The following CHCHD6 variants were observed in gnomAD, a reference collection of about 807,000 sequenced individuals.
The protein encoded by CHCHD6 is coiled-coil-helix-coiled-coil-helix domain containing 6.
A neutral mutation model predicts 32.3 loss-of-function variants in CHCHD6; 28 were observed. That is an observed-to-expected ratio of 0.87 (90% CI 0.64 to 1.19). The LOEUF (loss-of-function observed/expected upper bound fraction) is 1.19. Among genes scored for constraint, CHCHD6 ranks in the 50% most tolerant of loss-of-function variants. The pLI is 0.00. For synonymous variants in CHCHD6, 122 were observed against 117.5 expected (o/e 1.04, Z -0.25); for missense variants, 333 against 307.0 (o/e 1.08, Z -0.63).
intron 5 of CHCHD6, among the ~76,000 whole-genome samples, chr3:126,898,072 C>T (rs1361348025): frequency 6.6e-6 from 1 of 152,228 alleles, no homozygotes; most frequent in Non-Finnish European, 1.5e-5. Context: ...GTGGCCTTCT[C>T]CATTAGAGTT....
chr3:126,908,696 A>C (rs375330971), intron 5 of CHCHD6, among the ~76,000 whole-genome samples: 2 of 152,152 alleles, frequency 1.3e-5, no homozygotes, highest in Non-Finnish European at 2.9e-5. Context: ...TTCCAAATAC[A>C]TAGTATACTT....
At chr3:126,821,191 G>A (rs975032865) in intron 4 of CHCHD6, among the ~76,000 whole-genome samples, 3 of 152,140 alleles carry the variant, frequency 2.0e-5, no homozygotes, top group African/African-American at 7.2e-5. Flanking sequence ...ATATTCTGTT[G>A]TATAGATAGA....
rs189676141 is a variant in CHCHD6 at position 126,717,083 on chromosome 3, G to C, written c.88-9995G>C. ...CACAGCAGTTAAGCACGCAGGCCGG[G>C]GTCAGGCGGCTTTCCCTGCAGTCAG... On this transcript the variant is annotated intron_variant, in intron 1 of 7. Coordinates refer to ENST00000290913, the MANE Select transcript of CHCHD6 (RefSeq NM_032343.3). Among the ~76,000 whole-genome samples the C allele has an allele frequency of 6.6e-5, 10 of 152,302 alleles. No individual in the cohort carries two copies. In the South Asian group the frequency reaches 1.0e-3, roughly 16 times the overall value.
chr3:126,933,688 C>T (rs1257389202), intron 6 of CHCHD6, among the ~76,000 whole-genome samples: 2 of 152,230 alleles, frequency 1.3e-5, no homozygotes, highest in East Asian at 1.9e-4. Context: ...ATGACCCAGA[C>T]ACCTCCCACC....
intron 4 of CHCHD6, among the ~76,000 whole-genome samples, chr3:126,787,802 T>C (rs998212752): frequency 1.9e-4 from 29 of 152,322 alleles, no homozygotes; most frequent in African/African-American, 4.3e-4. Flanking sequence ...CTTTTCCTAA[T>C]TGAATACCCT....
At chr3:126,792,192 T>C (rs980957408) in intron 4 of CHCHD6, among the ~76,000 whole-genome samples, 1 of 151,316 alleles carries the variant, frequency 6.6e-6, no homozygotes, top group African/African-American at 2.4e-5. Flanking sequence ...TGTACAAATA[T>C]CTGTTCAAGT....
At chr3:126,902,716 C>CAA (rs748684166) in intron 5 of CHCHD6, among the ~76,000 whole-genome samples, 55 of 95,584 alleles carry the variant, frequency 5.8e-4, no homozygotes, top group African/African-American at 1.4e-3. Context: ...GACTCCATCT[C>CAA]AAAAAAAAAA....
At chr3:126,725,688 C>T (rs1315952729) in intron 1 of CHCHD6, among the ~76,000 whole-genome samples, 4 of 152,254 alleles carry the variant, frequency 2.6e-5, no homozygotes, top group Non-Finnish European at 5.9e-5. Context: ...TTGCTACCTT[C>T]ATCAATGATC....
chr3:126,879,408 T>C (rs1307383572), intron 5 of CHCHD6, among the ~76,000 whole-genome samples: 1 of 152,240 alleles, frequency 6.6e-6, no homozygotes, highest in Admixed American at 6.5e-5. Flanking sequence ...AGTCATGGGA[T>C]GCATTGAGAA....
chr3:126,881,065 G>C (rs1167827917), intron 5 of CHCHD6, among the ~76,000 whole-genome samples: 1 of 152,236 alleles, frequency 6.6e-6, no homozygotes, highest in South Asian at 2.1e-4. Flanking sequence ...CAGAACTGCC[G>C]ACCTGTATGG....
intron 5 of CHCHD6, among the ~76,000 whole-genome samples, chr3:126,910,273 G>GAAAAAAAAAAAAC (rs1553756144): frequency 1.1e-4 from 12 of 111,456 alleles, no homozygotes; most frequent in Middle Eastern, 5.7e-3. Context: ...CCTGCCTCAG[G>GAAAAAAAAAAAAC]AAAAAAAAAA....
intron 6 of CHCHD6, among the ~76,000 whole-genome samples, chr3:126,929,436 T>C (rs772724523): frequency 1.3e-5 from 2 of 152,246 alleles, no homozygotes; most frequent in African/African-American, 2.4e-5. Flanking sequence ...CATGCATGGC[T>C]ACTAAGTGCC....
intron 4 of CHCHD6, among the ~76,000 whole-genome samples, chr3:126,839,965 T>C (rs1941005910): frequency 6.6e-6 from 1 of 152,166 alleles, no homozygotes; most frequent in Non-Finnish European, 1.5e-5. Context: ...CCATCACCCC[T>C]GCCTCGGCCC....
chr3:126,704,665 A>G, intron 1 of CHCHD6, among the ~76,000 whole-genome samples: 1 of 152,180 alleles, frequency 6.6e-6, no homozygotes. Context: ...CGCCCTGGCC[A>G]CGTCCTGGCT....
rs1037291382 is a variant in CHCHD6 at position 126,704,453 on chromosome 3, G to A, written c.87+54G>A. 9 of 1,197,822 alleles carry A rather than the reference G, an allele frequency of 7.5e-6. No homozygotes were observed. In the South Asian group the frequency reaches 1.1e-4, roughly 14 times the overall value. The allele number at this position is 1,197,822 out of a possible 1,614,324, so 74.2% of individuals were successfully genotyped here. A position where few individuals can be genotyped will look rare whatever the true frequency, so the allele number is the denominator to read the frequency against. ...GCGTGGAGGCCGCGGGCGCGGGGGG[G>A]AGGTGCGGGGCGGAGCGCAGGGCCG... On this transcript the variant is annotated intron_variant, in intron 1 of 7. Transcript: ENST00000290913.
At chr3:126,833,749 C>T (rs2107543082) in intron 4 of CHCHD6, among the ~76,000 whole-genome samples, 1 of 152,304 alleles carries the variant, frequency 6.6e-6, no homozygotes, top group Non-Finnish European at 1.5e-5. Flanking sequence ...CTGTGTTTTG[C>T]TTTTGTTAGA....
chr3:126,956,777 GAA>G (rs2078791871), intron 6 of CHCHD6, among the ~76,000 whole-genome samples: 1 of 151,890 alleles, frequency 6.6e-6, no homozygotes, highest in African/African-American at 2.4e-5. Context: ...CTTTGAAAAA[GAA>G]AGAAAAAAAT....
chr3:126,801,329 G>A (rs1001736633), intron 4 of CHCHD6, among the ~76,000 whole-genome samples: 2 of 152,182 alleles, frequency 1.3e-5, no homozygotes, highest in African/African-American at 2.4e-5. Flanking sequence ...GGTGACAGAC[G>A]GCACCTGGAA....
intron 4 of CHCHD6, among the ~76,000 whole-genome samples, chr3:126,784,761 C>T (rs1316679307): frequency 2.0e-5 from 3 of 152,226 alleles, no homozygotes; most frequent in Non-Finnish European, 2.9e-5. Context: ...CACGCTTTCA[C>T]ATTAGTGCCT....
Sources: allele counts gnomAD v4.1 joint callset (sites outside exome capture counted in the v4.1 genomes callset), GRCh38; gene constraint gnomAD v4.1.1; transcripts MANE v1.5; gene names NCBI Gene and HGNC (gene_info 2026-07-23, HGNC 2026-07-21).